Variants in DDX42 observed in about 807,000 individuals in gnomAD.
The protein encoded by DDX42 is DEAD-box helicase 42, also known as ATP-dependent RNA helicase DDX42.
Under a neutral mutation model 101.5 loss-of-function variants are expected in DDX42, and 22 were observed. The observed-to-expected ratio is 0.22, with a 90% confidence interval of 0.15 to 0.31. The LOEUF (loss-of-function observed/expected upper bound fraction) is 0.31. Ranked by LOEUF, DDX42 falls within the 10% of genes least tolerant of loss-of-function variation. The probability of loss-of-function intolerance (pLI) is 1.00; values close to 1 mark genes in which losing one functional copy is unlikely to be tolerated. For missense variants in DDX42, 849 were observed against 1,199.9 expected, an observed-to-expected ratio of 0.71 and a Z score of 4.32; for synonymous variants, 402 against 401.2, an observed-to-expected ratio of 1.00 and a Z score of -0.02.
Position 63,813,395 on chromosome 17 carries a change from C to T in DDX42, c.1843C>T (p.Arg615Trp), listed in dbSNP as rs1484077428. The T allele has an allele frequency of 6.2e-7, 1 of 1,614,096 alleles. No homozygotes were observed. Among genetic ancestry groups the T allele is most frequent in the Non-Finnish European group, 8.5e-7 (1 of 1,180,030 alleles). Residue 615 changes from arginine to tryptophan, a missense_variant, in exon 15 of 18, where the codon CGG becomes TGG. Coordinates refer to ENST00000389924, the MANE Select transcript of DDX42 (RefSeq NM_203499.3). ...KDSNFAGDLVRNLEGANQHVS... is the reference protein window; with the variant it reads ...KDSNFAGDLVWNLEGANQHVS... ...CAGCAATTTTGCTGGTGACCTGGTC[C>T]GGAACTTGGAAGGAGCCAATCAACA...
chr17:63,808,937 G>A lies in DDX42; in HGVS notation c.1141G>A (p.Val381Met). 6.2e-7 allele frequency: 1 copy of A among 1,613,924 alleles called. No individual in the cohort carries two copies. Among genetic ancestry groups the A allele is most frequent in the Non-Finnish European group, 8.5e-7 (1 of 1,179,870 alleles). The change falls in exon 10 of 18, where the codon GTG (valine) becomes ATG (methionine). Residue 381 changes from valine to methionine, a missense_variant. Coordinates refer to ENST00000389924, the MANE Select transcript of DDX42 (RefSeq NM_203499.3). Reference sequence around the variant, plus strand: ...CCTTCAGGAGGGGGCAGAGATTGTTGTGTGTACCCCAGTAAGTATGCCTTG... The same window carrying A: ...CCTTCAGGAGGGGGCAGAGATTGTTATGTGTACCCCAGTAAGTATGCCTTG... ...KALQEGAEIV[V>M]CTPGRLIDHV...
chr17:63,804,865 G>T (rs1220947148), intron 6 of DDX42, among the ~76,000 whole-genome samples: 1 of 152,136 alleles, frequency 6.6e-6, no homozygotes, highest in East Asian at 1.9e-4. Context: ...AAAGAAGTAG[G>T]TTGGTGTTTA....
intron 14 of DDX42, 85 bp from the exon 15 acceptor site, chr17:63,813,143 G>A: frequency 7.9e-7 from 1 of 1,270,774 alleles, no homozygotes; most frequent in East Asian, 2.5e-5. Flanking sequence ...AAGGAAATGT[G>A]GCTTATTAGC....
chr17:63,799,078 A>G (rs1368987840), intron 4 of DDX42, among the ~76,000 whole-genome samples: 1 of 152,142 alleles, frequency 6.6e-6, no homozygotes, highest in Non-Finnish European at 1.5e-5. Flanking sequence ...TTTATTCCCA[A>G]ACTCATAAAG....
chr17:63,816,992 G>T (rs1200590395), intron 17 of DDX42, 26 bp downstream of exon 17: 1 of 1,596,572 alleles, frequency 6.3e-7, no homozygotes, highest in East Asian at 2.2e-5. Context: ...TTCATTAAAA[G>T]CACTTTCAGC....
intron 3 of DDX42, 57 bp downstream of exon 3, chr17:63,792,619 C>G: frequency 6.7e-7 from 1 of 1,501,880 alleles, no homozygotes; most frequent in African/African-American, 1.4e-5. Flanking sequence ...ATCAAGTTAA[C>G]TTAGTACTTC....
At chr17:63,814,149 A>G (rs528825761) in intron 15 of DDX42, among the ~76,000 whole-genome samples, 3 of 152,282 alleles carry the variant, frequency 2.0e-5, no homozygotes, top group Non-Finnish European at 4.4e-5. Flanking sequence ...CCCAGCCTGT[A>G]TGGTGCCTCT....
chr17:63,809,570 T>C lies in DDX42; in HGVS notation c.1163T>C (p.Ile388Thr). The C allele has an allele frequency of 1.2e-6, 2 of 1,613,738 alleles. No individual in the cohort carries two copies. Among genetic ancestry groups the C allele is most frequent in the South Asian group, 1.1e-5 (1 of 91,068 alleles). Residue 388 changes from isoleucine (I) to threonine (T), a missense_variant, in exon 11 of 18, where the codon ATA (isoleucine) becomes ACA (threonine). Around this residue, in one of 5 missense-constraint regions of DDX42, gnomAD observed 370 missense variants for 608.8 expected, o/e 0.61. Transcript: ENST00000389924. ...EIVVCTPGRL[I>T]DHVKKKATNL... Reference sequence around the variant, plus strand: ...TTGTTGATCTTATAGGGTCGACTGATAGATCATGTGAAAAAGAAAGCTACC... The same window carrying C: ...TTGTTGATCTTATAGGGTCGACTGACAGATCATGTGAAAAAGAAAGCTACC...
intron 9 of DDX42, 131 bp from the exon 10 acceptor site, chr17:63,808,689 C>G (rs1012885670): frequency 1.6e-5 from 14 of 893,384 alleles, no homozygotes; most frequent in Non-Finnish European, 2.2e-5. Flanking sequence ...TGAATAAAAT[C>G]GTGGTTTTAA....
chr17:63,810,952 C>T, intron 12 of DDX42, 124 bp from the exon 13 acceptor site: 1 of 733,648 alleles, frequency 1.4e-6, no homozygotes, highest in African/African-American at 1.8e-5. Context: ...AGTTTCTAAA[C>T]TAAATTTAAA....
chr17:63,800,843 T>A lies in DDX42; in HGVS notation c.621+226T>A, dbSNP rs548644649. 6.6e-5 allele frequency among the ~76,000 whole-genome samples: 10 copies of A among 152,372 alleles called. No individual in the cohort carries two copies. The South Asian group carries it at 2.1e-3, about 32-fold the overall frequency. On this transcript the variant is annotated intron_variant, in intron 6 of 17. Coordinates refer to ENST00000389924, the MANE Select transcript of DDX42 (RefSeq NM_203499.3). ...TTGACTTTAGAATTAAAACATTTTTTTCAAGTAATTGTACTTGTTTTCCAG... is the reference window on the plus strand; with the variant it reads ...TTGACTTTAGAATTAAAACATTTTTATCAAGTAATTGTACTTGTTTTCCAG...
rs138768016 is a variant in DDX42, at chr17:63,784,170, T to C, written c.-16-2864T>C. ...CTATGAAGTATATATAGACAAGGGG[T>C]ATAGAACAGTGCATGTTTCTGATCT... On this transcript the variant is annotated intron_variant, in intron 1 of 17. Coordinates refer to ENST00000389924, the MANE Select transcript of DDX42 (RefSeq NM_203499.3). Among the ~76,000 whole-genome samples the C allele has an allele frequency of 5.0e-4, 76 of 152,294 alleles. No homozygotes were observed. In the East Asian group the frequency reaches 0.013, roughly 27 times the overall value.
chr17:63,779,881 T>G (rs2039465573), intron 1 of DDX42, among the ~76,000 whole-genome samples: 1 of 152,214 alleles, frequency 6.6e-6, no homozygotes, highest in Non-Finnish European at 1.5e-5. Flanking sequence ...TCTGCCTCTT[T>G]TATTTTTTTA....
Position 63,810,420 on chromosome 17 carries a change from A to C in DDX42, c.1253-93A>C, listed in dbSNP as rs1178536422. 6.6e-6 allele frequency: 9 copies of C among 1,356,054 alleles called. No individual in the cohort carries two copies. In the African/African-American group the frequency reaches 1.3e-4, roughly 20 times the overall value. The allele number at this position is 1,356,054 out of a possible 1,614,324, so 84.0% of individuals were successfully genotyped here. On this transcript the variant is annotated intron_variant, in intron 11 of 17. Transcript: ENST00000389924. ...GTTTCTAATTTTCTTAATTCTTACA[A>C]CTTCTTATGAAGACTTTTACTAATA...
In DDX42 at chr17:63,817,981, T is replaced by TG; in HGVS notation, c.2405dup (p.Ser803GlnfsTer10). 1 of 1,613,874 alleles carries TG rather than the reference T, an allele frequency of 6.2e-7. No individual in the cohort carries two copies. The highest frequency in any genetic ancestry group is 1.1e-5 in the South Asian group (1 of 91,052). The stretch of plus-strand genomic sequence containing the variant: ...CAGGGAATAACAGCCGAGAAGGGAC[T>TG]GGGGGCAGCAACGGGAAAAGAGAGA... On this transcript the variant is annotated frameshift_variant, in exon 18 of 18. Transcript: ENST00000389924. LOFTEE classifies it high-confidence loss of function.
intron 6 of DDX42, among the ~76,000 whole-genome samples, chr17:63,804,698 A>G (rs2039817145): frequency 6.6e-6 from 1 of 152,048 alleles, no homozygotes; most frequent in African/African-American, 2.4e-5. Context: ...GGTTGGTGTT[A>G]GGCTAGGCAC....
intron 2 of DDX42, among the ~76,000 whole-genome samples, chr17:63,790,012 T>C (rs2039606099): frequency 6.6e-6 from 1 of 152,180 alleles, no homozygotes; most frequent in Admixed American, 6.5e-5. Context: ...GGCTACTTTT[T>C]CATTAGTTAA....
rs767346087 is a variant in DDX42 at position 63,812,051 on chromosome 17, T to C, written c.1518T>C (p.Thr506=). ...TSSGSVLLFV[T]KKANAEELAN... is the part of the protein sequence containing the mutation. ...CAGGGAGTGTCCTCCTCTTTGTTAC[T>C]AAAAAAGCCAATGCTGAAGAGCTAG... Residue 506 remains threonine, a synonymous_variant, in exon 14 of 18, where the codon ACT becomes ACC. Transcript: ENST00000389924. The C allele has an allele frequency of 4.3e-6, 7 of 1,614,004 alleles. No individual in the cohort carries two copies. Among genetic ancestry groups the C allele is most frequent in the Non-Finnish European group, 5.9e-6 (7 of 1,180,032 alleles).
chr17:63,808,679 T>G, intron 9 of DDX42, 141 bp from the exon 10 acceptor site: 1 of 823,756 alleles, frequency 1.2e-6, no homozygotes, highest in South Asian at 1.8e-5. Flanking sequence ...TATACCTTTA[T>G]GAATAAAATC....
Sources: gnomAD v4.1 joint callset for allele counts (sites outside exome capture counted in the v4.1 genomes callset) on GRCh38, gnomAD v4.1.1 for gene constraint, gnomAD v4.1.1 regional missense constraint, MANE v1.5 for transcripts, NCBI Gene and HGNC (gene_info 2026-07-23, HGNC 2026-07-21) for gene names.